Variants in SYNE1 observed in about 807,000 individuals in gnomAD.
The protein encoded by SYNE1 is nesprin-1.
In SYNE1, 616 loss-of-function variants were observed where a neutral mutation model predicts 1,111.0. The ratio of observed to expected loss-of-function variants is 0.55; its 90% CI spans 0.52 to 0.59. The LOEUF is 0.59. SYNE1 is among the 20% of genes least tolerant of loss of function. SYNE1 has a pLI of 0.00. For missense variants in SYNE1, 10,006 were observed against 10,417.0 expected (o/e 0.96, Z 1.72); for synonymous variants, 3,855 against 3,825.8 (o/e 1.01, Z -0.28).
intron 98 of SYNE1, among the ~76,000 whole-genome samples, chr6:152,274,967 G>A (rs2093491224): frequency 6.6e-6 from 1 of 152,246 alleles, no homozygotes; most frequent in Non-Finnish European, 1.5e-5. Context: ...GCTCGCTGCA[G>A]CCTCAACCAC....
At chr6:152,516,374 G>A (rs959373008) in intron 6 of SYNE1, among the ~76,000 whole-genome samples, 4 of 152,114 alleles carry the variant, frequency 2.6e-5, no homozygotes, top group African/African-American at 7.2e-5. Flanking sequence ...GGGTTGTTCC[G>A]TGAAAATGGA....
In SYNE1 at chr6:152,148,301, C is replaced by A; in HGVS notation, c.24720G>T (p.Trp8240Cys). 1 of 1,613,856 alleles carries A rather than the reference C, an allele frequency of 6.2e-7. No individual in the cohort carries two copies. The highest frequency in any genetic ancestry group is 8.5e-7 in the Non-Finnish European group (1 of 1,179,866). Residue 8240 changes from tryptophan to cysteine, a missense_variant, in exon 137 of 146, where the codon TGG becomes TGT. Coordinates refer to ENST00000367255, the MANE Select transcript of SYNE1 (RefSeq NM_182961.4). The surrounding 1 kb of genome is among the most constrained non-coding windows in gnomAD (Gnocchi z 4.1). ...GCAGGCTGTCTGCAGAGCGGTCGTG[C>A]CAGTGCAGGTCCGACAGAGCTGCAG... is the stretch of plus-strand genomic sequence containing the variant. The part of the protein sequence containing the change: ...EDSAALSDLH[W>C]HDRSADSLLS...
Position 152,427,822 on chromosome 6 carries a change from G to T in SYNE1, c.4977-6C>A. ...ATGATAGTTCTTTCTCTAGCCTAAA[G>T]GAAGCAGAGAGCAGAAACAAATTTA... On this transcript the variant is annotated splice_region_variant and splice_polypyrimidine_tract_variant and intron_variant, in intron 37 of 145. Transcript: ENST00000367255. The T allele has an allele frequency of 6.2e-7, 1 of 1,613,996 alleles. No individual in the cohort carries two copies. Among genetic ancestry groups the T allele is most frequent in the African/African-American group, 1.3e-5 (1 of 75,014 alleles).
At chr6:152,466,722 G>T (rs78170928) in intron 16 of SYNE1, among the ~76,000 whole-genome samples, 3 of 151,908 alleles carry the variant, frequency 2.0e-5, no homozygotes, top group South Asian at 2.1e-4. Flanking sequence ...AGACAAAAAA[G>T]TTCTTAGGTA....
chr6:152,141,014 G>A (rs1279304554), intron 139 of SYNE1, among the ~76,000 whole-genome samples, 189 bp downstream of exon 139: 4 of 150,518 alleles, frequency 2.7e-5, no homozygotes, highest in African/African-American at 9.9e-5. Flanking sequence ...CAGCCTGGGC[G>A]ACAGAGCGCC....
rs151298623 is a variant in SYNE1 at position 152,206,278 on chromosome 6, T to C, written c.22909A>G (p.Ser7637Gly). 5 of 1,614,012 alleles carry C rather than the reference T, an allele frequency of 3.1e-6. No individual in the cohort carries two copies. The highest frequency in any genetic ancestry group is 4.2e-6 in the Non-Finnish European group (5 of 1,180,024). Residue 7637 changes from serine (S) to glycine (G), a missense_variant, in exon 126 of 146, where the codon AGT becomes GGT. Physicochemically the swap from Ser to Gly is moderately conservative, Grantham distance 56 (BLOSUM62 0). Around this residue, in one of 7 missense-constraint regions of SYNE1, gnomAD observed 2,182 missense variants for 2,287.8 expected, o/e 0.95. Transcript: ENST00000367255. ...GCCTGCAAGGCGGCCTCAGCGCCAC[T>C]GTCCGCCGAGAGAAGGAGTTGCTTG... ...AGKQLLLSAD[S>G]GAEAALQAEL...
Position 152,516,605 on chromosome 6 carries a change from G to A in SYNE1, c.309+3854C>T, listed in dbSNP as rs1257348166. 5.3e-5 allele frequency among the ~76,000 whole-genome samples: 8 copies of A among 151,914 alleles called. No homozygotes were observed. In the East Asian group the frequency reaches 1.5e-3, roughly 29 times the overall value. On this transcript the variant is annotated intron_variant, in intron 6 of 145. Transcript: ENST00000367255. ...TATTTTTTATTTTTATTTTTTTTAAGAGAAAGAGTCTTGCTCTGTCGCTCA... is the reference window on the plus strand; with the variant it reads ...TATTTTTTATTTTTATTTTTTTTAAAAGAAAGAGTCTTGCTCTGTCGCTCA...
Position 152,187,670 on chromosome 6 carries a change from A to T in SYNE1, c.23301+1582T>A, listed in dbSNP as rs148758416. 6.1e-3 allele frequency among the ~76,000 whole-genome samples: 934 copies of T among 152,240 alleles called. 12 individuals carry two copies. Among genetic ancestry groups the T allele is most frequent in the African/African-American group, 0.02 (840 of 41,548 alleles). On this transcript the variant is annotated intron_variant, in intron 128 of 145. Transcript: ENST00000367255. ...ATCCATCTCAAGAAACATTTCCTTT[A>T]TTCCTTGCCATCCACACTAGCCTTA...
intron 2 of SYNE1, among the ~76,000 whole-genome samples, chr6:152,633,366 G>A (rs1187108698): frequency 6.6e-6 from 1 of 152,180 alleles, no homozygotes; most frequent in East Asian, 1.9e-4. Flanking sequence ...TATGTATTGA[G>A]TAGCTATTTG....
intron 9 of SYNE1, among the ~76,000 whole-genome samples, chr6:152,503,170 CTGAA>C (rs770302221): frequency 1.3e-5 from 2 of 152,096 alleles, no homozygotes; most frequent in Non-Finnish European, 2.9e-5. Flanking sequence ...AAGTGTGACA[CTGAA>C]TGACATATAT....
chr6:152,411,220 T>G (rs2154172892), intron 42 of SYNE1, among the ~76,000 whole-genome samples: 1 of 152,336 alleles, frequency 6.6e-6, no homozygotes, highest in East Asian at 1.9e-4. Flanking sequence ...AACAATTGAC[T>G]GTATATGTCT....
At position 152,419,615 on chromosome 6, in the gene SYNE1, G is replaced by A; in HGVS notation, c.5375C>T (p.Ser1792Phe). The A allele has an allele frequency of 6.2e-7, 1 of 1,613,180 alleles. No individual in the cohort carries two copies. Among genetic ancestry groups the A allele is most frequent in the Non-Finnish European group, 8.5e-7 (1 of 1,179,906 alleles). The change falls in exon 40 of 146, where the codon TCT becomes TTT. Residue 1792 changes from serine (S) to phenylalanine (F), a missense_variant. Ser to Phe is a radical substitution (Grantham distance 155). Coordinates refer to ENST00000367255, the MANE Select transcript of SYNE1 (RefSeq NM_182961.4). Reference protein sequence around the residue: ...KLFLSELQTTSEISIMDHQVA... With the variant: ...KLFLSELQTTFEISIMDHQVA... ...TTGATGGTCCATTATGCTAATCTCA[G>A]AGGTAGTTTGTAATTCACTGAGAAA...
At chr6:152,406,214 C>T (rs528119757) in intron 45 of SYNE1, among the ~76,000 whole-genome samples, 101 of 152,144 alleles carry the variant, frequency 6.6e-4, no homozygotes, top group African/African-American at 2.2e-3. Flanking sequence ...AAGCCTGTGA[C>T]CCTCCAATCT....
At chr6:152,473,039 A>G (rs2098815490) in intron 14 of SYNE1, among the ~76,000 whole-genome samples, 1 of 152,220 alleles carries the variant, frequency 6.6e-6, no homozygotes, top group South Asian at 2.1e-4. Flanking sequence ...AGAACTCCAC[A>G]GGTTTGATTC....
At chr6:152,133,931 A>T in intron 142 of SYNE1, 1 of 186,838 alleles carries the variant, frequency 5.4e-6, no homozygotes, top group Non-Finnish European at 1.1e-5. Context: ...TCACAGCTTG[A>T]TGCCAGAGGT....
At chr6:152,286,907 G>A (rs1224588571) in intron 95 of SYNE1, among the ~76,000 whole-genome samples, 4 of 152,124 alleles carry the variant, frequency 2.6e-5, no homozygotes, top group Non-Finnish European at 5.9e-5. Context: ...CTAATCCAAG[G>A]TCATAAATAG....
chr6:152,556,911 T>C (rs2099367024), intron 3 of SYNE1, among the ~76,000 whole-genome samples: 1 of 152,016 alleles, frequency 6.6e-6, no homozygotes, highest in Non-Finnish European at 1.5e-5. Context: ...ATCAGAGAAA[T>C]ATGACACTAC....
chr6:152,328,164 T>G (rs1403937296), intron 78 of SYNE1, among the ~76,000 whole-genome samples: 1 of 152,100 alleles, frequency 6.6e-6, no homozygotes, highest in Non-Finnish European at 1.5e-5. Context: ...CCTTATAGGA[T>G]GTCATTTTCC....
chr6:152,546,252 A>G (rs1236408572), intron 3 of SYNE1: 2 of 152,218 alleles, frequency 1.3e-5, no homozygotes, highest in African/African-American at 2.4e-5. Context: ...ACTCAATGTT[A>G]AGATTTTAAA....
Sources: allele counts gnomAD v4.1 joint callset (sites outside exome capture counted in the v4.1 genomes callset), GRCh38; gene constraint gnomAD v4.1.1; regional missense constraint gnomAD v4.1.1; non-coding constraint Gnocchi (gnomAD v3.1); transcripts MANE v1.5; gene names NCBI Gene and HGNC (gene_info 2026-07-23, HGNC 2026-07-21).